The following SEMA4A variants were observed in gnomAD, a reference collection of about 807,000 sequenced individuals.
SEMA4A encodes the protein semaphorin 4A, also known as semaphorin-4A.
Under a neutral mutation model 72.5 loss-of-function variants are expected in SEMA4A, and 52 were observed. That is an observed-to-expected ratio of 0.72 (90% CI 0.57 to 0.90). The LOEUF (loss-of-function observed/expected upper bound fraction) is 0.90. Among genes scored for constraint, SEMA4A ranks in the 40% least tolerant of loss-of-function variants. SEMA4A has a pLI of 0.00. For missense variants in SEMA4A, 926 were observed against 959.7 expected (o/e 0.96, Z 0.46); for synonymous variants, 369 against 393.1 (o/e 0.94, Z 0.73).
chr1:156,152,181 G>T, upstream of SEMA4A, among the ~76,000 whole-genome samples: 1 of 152,342 alleles, frequency 6.6e-6, no homozygotes, highest in Middle Eastern at 3.4e-3. Context: ...TGCTAAAATT[G>T]TTGGGAGGGC....
At chr1:156,165,657 T>C (rs914095376) in intron 10 of SEMA4A, among the ~76,000 whole-genome samples, 2 of 152,030 alleles carry the variant, frequency 1.3e-5, no homozygotes, top group African/African-American at 4.8e-5. Flanking sequence ...CTGAAATCTT[T>C]TTTTTTTGTT....
At chr1:156,174,701 C>T in intron 11 of SEMA4A, 121 bp from the exon 12 acceptor site, 1 of 1,164,164 alleles carries the variant, frequency 8.6e-7, no homozygotes, top group Non-Finnish European at 1.3e-6. Flanking sequence ...ATCTGGCTGA[C>T]CCGCGCCCAG....
intron 10 of SEMA4A, among the ~76,000 whole-genome samples, chr1:156,170,625 G>A (rs1351920741): frequency 6.6e-6 from 1 of 151,696 alleles, no homozygotes; most frequent in Non-Finnish European, 1.5e-5. Context: ...GTGGTGGCGG[G>A]CGCCTGTAAT....
chr1:156,173,228 G>A (rs533688533), intron 11 of SEMA4A, among the ~76,000 whole-genome samples: 3 of 152,356 alleles, frequency 2.0e-5, no homozygotes, highest in Admixed American at 6.5e-5. Context: ...GAGGCAGACA[G>A]GGAGGTCTTT....
intron 3 of SEMA4A, among the ~76,000 whole-genome samples, chr1:156,156,807 G>C (rs148209412): frequency 0.015 from 2,173 of 149,524 alleles, 48 homozygotes; most frequent in African/African-American, 0.051. Flanking sequence ...ACAGTGGCAC[G>C]ATCTTGGCTC....
intron 11 of SEMA4A, 59 bp from the exon 12 acceptor site, chr1:156,174,763 G>T (rs531475817): frequency 1.2e-6 from 2 of 1,612,960 alleles, no homozygotes; most frequent in Non-Finnish European, 1.7e-6. Context: ...GCCCCCGGAA[G>T]TTGGGAAGGG....
intron 10 of SEMA4A, among the ~76,000 whole-genome samples, chr1:156,164,902 G>A (rs1214333973): frequency 6.6e-6 from 1 of 152,056 alleles, no homozygotes; most frequent in Admixed American, 6.6e-5. Flanking sequence ...CTGGGTTCAA[G>A]CGATTCTCCT....
chr1:156,175,773 C>T, intron 14 of SEMA4A, 117 bp downstream of exon 14: 1 of 774,180 alleles, frequency 1.3e-6, no homozygotes, highest in Non-Finnish European at 2.3e-6. Context: ...GAGATCTGAA[C>T]ACCCGAGTTG....
At chr1:156,161,059 A>G in intron 8 of SEMA4A, 30 bp downstream of exon 8, 1 of 1,594,106 alleles carries the variant, frequency 6.3e-7, no homozygotes, top group Non-Finnish European at 8.5e-7. Flanking sequence ...GGCGGGGCTA[A>G]CTGGAGGAGA....
chr1:156,160,728 A>G (rs1653511572), intron 7 of SEMA4A, among the ~76,000 whole-genome samples, 169 bp downstream of exon 7: 2 of 152,140 alleles, frequency 1.3e-5, no homozygotes, highest in South Asian at 4.1e-4. Context: ...CGTCTTATGT[A>G]AACACATTAA....
At chr1:156,173,733 T>C (rs973970046) in intron 11 of SEMA4A, among the ~76,000 whole-genome samples, 2 of 151,894 alleles carry the variant, frequency 1.3e-5, no homozygotes, top group African/African-American at 2.4e-5. Flanking sequence ...GTGTTCTCTA[T>C]GTAGGTGGAG....
chr1:156,165,796 G>A (rs1305224756), intron 10 of SEMA4A, among the ~76,000 whole-genome samples: 1 of 151,620 alleles, frequency 6.6e-6, no homozygotes, highest in African/African-American at 2.4e-5. Flanking sequence ...GTGCTTTGAT[G>A]GAACACTACT....
upstream of SEMA4A, among the ~76,000 whole-genome samples, chr1:156,148,963 C>T (rs530225551): frequency 3.9e-5 from 6 of 152,086 alleles, no homozygotes; most frequent in South Asian, 2.1e-4. Flanking sequence ...CCACCATGCC[C>T]GGCTAATTTT....
At position 156,160,900 on chromosome 1, in the gene SEMA4A, C is replaced by T. The variant is rs199654825; in HGVS notation, c.686-5C>T. 7 of 1,613,674 alleles carry T rather than the reference C, an allele frequency of 4.3e-6. No individual in the cohort carries two copies. The East Asian group carries it at 1.6e-4, about 36-fold the overall frequency. ...TCCCTAAGCCCATCTGCCCCTCCCC[C>T]GCAGATGACGCCTCCTTTGTGGCAG... On this transcript the variant is annotated splice_region_variant and splice_polypyrimidine_tract_variant and intron_variant, in intron 7 of 14. Transcript: ENST00000368285.
chr1:156,148,750 T>TC (rs1332942981), upstream of SEMA4A, among the ~76,000 whole-genome samples: 1 of 151,132 alleles, frequency 6.6e-6, no homozygotes, highest in Non-Finnish European at 1.5e-5. Context: ...CCTTTTCTAG[T>TC]CCCCTGCCAG....
chr1:156,163,173 A>G (rs1014665876), intron 10 of SEMA4A, 79 bp downstream of exon 10: 1 of 1,530,408 alleles, frequency 6.5e-7, no homozygotes, highest in African/African-American at 1.4e-5. Context: ...GGCATAGTAA[A>G]TGCCCAATAA....
chr1:156,175,565 G>T lies in SEMA4A; in HGVS notation c.1602G>T (p.Trp534Cys), dbSNP rs776054099. The T allele has an allele frequency of 2.5e-6, 4 of 1,612,972 alleles. No homozygotes were observed. The highest frequency in any genetic ancestry group is 3.4e-6 in the Non-Finnish European group (4 of 1,179,236). ...CLLSAPNLNS[W>C]KQDMERGNPE... ...TTCTCTGCTCTCTTAGGAACTCCTG[G>T]AAGCAGGACATGGAGCGGGGGAACC... Residue 534 changes from tryptophan (W) to cysteine (C), a missense_variant, in exon 14 of 15, where the codon TGG becomes TGT. By Grantham distance (215) the Trp-to-Cys change is radical. Transcript: ENST00000368285.
At chr1:156,147,687 A>T (rs1172163325), upstream of SEMA4A, among the ~76,000 whole-genome samples, 1 of 152,036 alleles carries the variant, frequency 6.6e-6, no homozygotes, top group Non-Finnish European at 1.5e-5. Flanking sequence ...TTCATTTTCT[A>T]AATTCCATCA....
chr1:156,159,553 A>G (rs1413779962), intron 6 of SEMA4A, among the ~76,000 whole-genome samples: 1 of 152,142 alleles, frequency 6.6e-6, no homozygotes, highest in Non-Finnish European at 1.5e-5. Context: ...CCACTGTTCA[A>G]CAATTGTGTG....
Sources: allele counts gnomAD v4.1 joint callset (sites outside exome capture counted in the v4.1 genomes callset), GRCh38; gene constraint gnomAD v4.1.1; transcripts MANE v1.5; gene names NCBI Gene and HGNC (gene_info 2026-07-23, HGNC 2026-07-21).